Variants in NAV2 observed in about 807,000 individuals in gnomAD.
NAV2 encodes neuron navigator 2, also known as helicase, APC down-regulated 1.
NAV2 carries 54 observed loss-of-function variants against 223.2 expected under a neutral mutation model. The observed-to-expected ratio is 0.24, with a 90% CI of 0.19 to 0.30. The LOEUF (loss-of-function observed/expected upper bound fraction) is 0.30. Ranked by LOEUF, NAV2 falls within the 10% of genes least tolerant of loss-of-function variation. The probability of loss-of-function intolerance (pLI) is 1.00; values close to 1 mark genes in which losing one functional copy is unlikely to be tolerated. For synonymous variants in NAV2, 1,279 were observed against 1,239.3 expected (o/e 1.03, Z -0.67); for missense variants, 2,806 against 3,147.5 (o/e 0.89, Z 2.60).
chr11:19,502,247 C>T (rs752614018), intron 1 of NAV2, among the ~76,000 whole-genome samples: 5 of 152,174 alleles, frequency 3.3e-5, no homozygotes, highest in Non-Finnish European at 4.4e-5. Context: ...ACTATATGAC[C>T]TTTGGCAAAT....
In NAV2 at chr11:19,897,136, A is replaced by C. The variant is rs181829064; in HGVS notation, c.931+4542A>C. ...TTCTCAGCAAACTATCACAAGGACA[A>C]AAAACCAAACACCGCATGTTCTCAC... On this transcript the variant is annotated intron_variant, in intron 6 of 37. Coordinates refer to ENST00000349880, the MANE Select transcript of NAV2 (RefSeq NM_145117.5). 6.7e-3 allele frequency among the ~76,000 whole-genome samples: 1,015 copies of C among 152,206 alleles called. 11 individuals carry two copies. Among genetic ancestry groups the C allele is most frequent in the African/African-American group, 0.024 (988 of 41,512 alleles).
intron 12 of NAV2, chr11:20,043,740 C>A (rs1294720740): frequency 2.2e-6 from 1 of 453,524 alleles, no homozygotes; most frequent in Admixed American, 3.5e-5. Flanking sequence ...CTGTGCCCAG[C>A]CATCTCGTTC....
intron 1 of NAV2, among the ~76,000 whole-genome samples, chr11:19,724,311 T>C (rs1434459139): frequency 2.0e-5 from 3 of 152,238 alleles, no homozygotes; most frequent in Non-Finnish European, 2.9e-5. Flanking sequence ...GAACCAGCCC[T>C]ATGCTATATA....
chr11:19,876,553 A>T (rs907505756), intron 4 of NAV2, among the ~76,000 whole-genome samples: 1 of 152,182 alleles, frequency 6.6e-6, no homozygotes, highest in Non-Finnish European at 1.5e-5. Context: ...GAGGAAATAT[A>T]TTTATTGGAG....
intron 1 of NAV2, among the ~76,000 whole-genome samples, chr11:19,825,257 A>C (rs1342844857): frequency 8.3e-6 from 1 of 121,074 alleles, no homozygotes; most frequent in Non-Finnish European, 1.6e-5. Flanking sequence ...ACACCCCTGC[A>C]CTCCAGCCTG....
intron 11 of NAV2, among the ~76,000 whole-genome samples, chr11:20,006,835 G>C (rs2053121471): frequency 6.6e-6 from 1 of 152,084 alleles, no homozygotes; most frequent in Non-Finnish European, 1.5e-5. Context: ...CTGGGCAACA[G>C]AGCAAGACCC....
intron 11 of NAV2, among the ~76,000 whole-genome samples, chr11:20,007,227 A>G (rs1159354090): frequency 6.6e-6 from 1 of 151,862 alleles, no homozygotes; most frequent in Non-Finnish European, 1.5e-5. Context: ...AGGATTACAG[A>G]CTTGAGCCAC....
chr11:19,407,772 G>T (rs909339941), intron 1 of NAV2, among the ~76,000 whole-genome samples: 4 of 144,624 alleles, frequency 2.8e-5, no homozygotes, highest in Non-Finnish European at 6.0e-5. Context: ...TCGGCATTTT[G>T]TGTGTCCCGG....
intron 1 of NAV2, among the ~76,000 whole-genome samples, chr11:19,607,486 G>A (rs1288624668): frequency 6.6e-6 from 1 of 152,194 alleles, no homozygotes; most frequent in Non-Finnish European, 1.5e-5. Context: ...TGGAAGATGG[G>A]CCAGTTCTAC....
At chr11:19,443,095 C>T (rs920151586) in intron 1 of NAV2, among the ~76,000 whole-genome samples, 7 of 152,194 alleles carry the variant, frequency 4.6e-5, no homozygotes, top group Non-Finnish European at 1.0e-4. Context: ...GAATCTTGGG[C>T]ATCATATTCC....
intron 1 of NAV2, among the ~76,000 whole-genome samples, chr11:19,795,645 A>C (rs2057828708): frequency 3.3e-5 from 5 of 152,246 alleles, no homozygotes; most frequent in Admixed American, 3.3e-4. Context: ...GAGAGAAAGG[A>C]AGACAGGGGA....
intron 35 of NAV2, among the ~76,000 whole-genome samples, chr11:20,106,183 G>GTGTATATA (rs1394737236): frequency 3.9e-5 from 1 of 25,522 alleles, no homozygotes; most frequent in African/African-American, 1.0e-4. Flanking sequence ...ATATGTGTGT[G>GTGTATATA]TATATATATA....
intron 1 of NAV2, among the ~76,000 whole-genome samples, chr11:19,592,806 T>C (rs539558279): frequency 3.4e-4 from 52 of 152,348 alleles, no homozygotes; most frequent in African/African-American, 1.1e-3. Context: ...TAGGCACTGC[T>C]CTAAGCTTTT....
upstream of NAV2, chr11:19,712,712 A>C (rs1349449514): frequency 1.3e-5 from 2 of 151,522 alleles, no homozygotes; most frequent in Admixed American, 1.3e-4. Flanking sequence ...GGCGGCGGCC[A>C]GAGTTTAGGC....
intron 1 of NAV2, among the ~76,000 whole-genome samples, chr11:19,425,076 C>T (rs1293857303): frequency 6.6e-6 from 1 of 152,092 alleles, no homozygotes; most frequent in East Asian, 1.9e-4. Context: ...TGGAATACAA[C>T]CTTGTGTTTA....
In NAV2 at chr11:19,928,072, T is replaced by C. The variant is rs185283866; in HGVS notation, c.932-5104T>C. Among the ~76,000 whole-genome samples the C allele has an allele frequency of 6.3e-3, 965 of 152,352 alleles. 5 individuals carry two copies. Among genetic ancestry groups the C allele is most frequent in the Non-Finnish European group, 0.01 (699 of 68,032 alleles). The stretch of plus-strand genomic sequence containing the variant: ...CTTATTTGAGCCTTCTGGTTTGATT[T>C]CTATTTGGTTGATTACGTTTTTCAA... On this transcript the variant is annotated intron_variant, in intron 6 of 37. Transcript: ENST00000349880.
intron 29 of NAV2, among the ~76,000 whole-genome samples, chr11:20,095,373 G>T (rs948831976): frequency 3.3e-5 from 5 of 152,150 alleles, no homozygotes; most frequent in African/African-American, 1.2e-4. Context: ...TGTGGAGAGA[G>T]TTCCATACAA....
chr11:19,499,045 T>G (rs946285008), intron 1 of NAV2, among the ~76,000 whole-genome samples: 4 of 152,244 alleles, frequency 2.6e-5, no homozygotes, highest in Non-Finnish European at 4.4e-5. Flanking sequence ...ATTCATTTCA[T>G]GCAAGCCATA....
At chr11:19,740,608 T>C (rs1478516558) in intron 1 of NAV2, among the ~76,000 whole-genome samples, 1 of 152,200 alleles carries the variant, frequency 6.6e-6, no homozygotes, top group East Asian at 1.9e-4. Flanking sequence ...AGGAGACATA[T>C]TCAGGCAAGG....
Sources: gnomAD v4.1 joint callset for allele counts (sites outside exome capture counted in the v4.1 genomes callset) on GRCh38, gnomAD v4.1.1 for gene constraint, MANE v1.5 for transcripts, NCBI Gene and HGNC (gene_info 2026-07-23, HGNC 2026-07-21) for gene names.